RYR2: variants seen among roughly 807,000 people sequenced by gnomAD.
The protein encoded by RYR2 is cardiac muscle ryanodine receptor-calcium release channel.
In RYR2, 227 loss-of-function variants were observed where a neutral mutation model predicts 601.1. The observed-to-expected ratio is 0.38, with a 90% CI of 0.34 to 0.42. The LOEUF is 0.42. Among genes scored for constraint, RYR2 ranks in the 10% least tolerant of loss-of-function variants. The probability of loss-of-function intolerance (pLI) is 1.00; values close to 1 mark genes in which losing one functional copy is unlikely to be tolerated. For synonymous variants in RYR2, 2,223 were observed against 2,175.1 expected (o/e 1.02, Z -0.61); for missense variants, 4,646 against 6,156.5 (o/e 0.75, Z 8.21).
intron 1 of RYR2, among the ~76,000 whole-genome samples, chr1:237,183,201 C>T (rs1395409161): frequency 6.6e-6 from 1 of 152,120 alleles, no homozygotes; most frequent in Non-Finnish European, 1.5e-5. Context: ...ACTTCTTAAC[C>T]GTTTACATGC....
chr1:237,749,956 G>A (rs1328966520), intron 80 of RYR2, among the ~76,000 whole-genome samples: 3 of 151,974 alleles, frequency 2.0e-5, no homozygotes, highest in South Asian at 2.1e-4. Context: ...GACCAGCCCA[G>A]GCAACATGGT....
intron 48 of RYR2, 30 bp downstream of exon 48, chr1:237,643,477 A>G: frequency 1.9e-6 from 3 of 1,613,552 alleles, no homozygotes; most frequent in African/African-American, 1.3e-5. Context: ...GTCCTAATTC[A>G]GTAGGATGTT....
At chr1:237,082,538 TATATATATATATATATATAA>T (rs1294968763) in intron 1 of RYR2, among the ~76,000 whole-genome samples, 3 of 115,214 alleles carry the variant, frequency 2.6e-5, no homozygotes, top group East Asian at 2.7e-4. Flanking sequence ...TATATATATA[TATATATATATATATATATAA>T]AATCGGATAT....
intron 1 of RYR2, among the ~76,000 whole-genome samples, chr1:237,264,934 T>G (rs1025970701): frequency 1.3e-5 from 2 of 151,934 alleles, no homozygotes; most frequent in Non-Finnish European, 2.9e-5. Flanking sequence ...ACTCCTGACC[T>G]CAGGTGATCC....
At chr1:237,289,180 G>A (rs1021841563) in intron 2 of RYR2, among the ~76,000 whole-genome samples, 2 of 152,192 alleles carry the variant, frequency 1.3e-5, no homozygotes, top group African/African-American at 2.4e-5. Flanking sequence ...TGCAGGAGCA[G>A]TCCGCTTCCT....
chr1:237,709,764 A>T (rs969494388), intron 70 of RYR2, among the ~76,000 whole-genome samples, 197 bp downstream of exon 70: 4 of 152,188 alleles, frequency 2.6e-5, no homozygotes, highest in African/African-American at 9.7e-5. Context: ...CCATAAACAT[A>T]TTTTAAATTT....
At chr1:237,088,069 A>G (rs1170687757) in intron 1 of RYR2, among the ~76,000 whole-genome samples, 2 of 152,190 alleles carry the variant, frequency 1.3e-5, no homozygotes, top group East Asian at 1.9e-4. Flanking sequence ...TTGGAAATTA[A>G]TGTAATATTG....
chr1:237,558,209 C>G (rs978758732), intron 27 of RYR2, among the ~76,000 whole-genome samples: 3 of 152,090 alleles, frequency 2.0e-5, no homozygotes, highest in African/African-American at 7.2e-5. Flanking sequence ...ATTGAAGACG[C>G]TGCAAAAACC....
At position 237,169,288 on chromosome 1, in the gene RYR2, CT is replaced by C. The variant is rs527578394; in HGVS notation, c.49-101199del. Among the ~76,000 whole-genome samples, 124 of 108,532 alleles carry C rather than the reference CT, an allele frequency of 1.1e-3. 1 individual carries two copies. Among genetic ancestry groups the C allele is most frequent in the East Asian group, 6.4e-3 (24 of 3,744 alleles). 71.2% of individuals were successfully genotyped at this position (108,532 alleles called of 152,430 possible). ...TGGATGGGTTACTCTGTGTGATTGC[CT>C]TTTTTTTTTCTTCTTCTTCTTTTTT... On this transcript the variant is annotated intron_variant, in intron 1 of 104. Coordinates refer to ENST00000366574, the MANE Select transcript of RYR2 (RefSeq NM_001035.3).
chr1:237,319,420 C>T (rs1161235025), intron 2 of RYR2, among the ~76,000 whole-genome samples: 1 of 152,034 alleles, frequency 6.6e-6, no homozygotes, highest in African/African-American at 2.4e-5. Flanking sequence ...TATAACAACC[C>T]TGAATTCTTT....
chr1:237,724,184 CATAT>C (rs35705894), intron 74 of RYR2, among the ~76,000 whole-genome samples: 22,220 of 136,510 alleles, frequency 0.16, 2,018 homozygotes, highest in East Asian at 0.45. Context: ...TGTGTGTGTG[CATAT>C]ATATATATAT....
At position 237,721,342 on chromosome 1, in the gene RYR2, A is replaced by G. The variant is rs547584269; in HGVS notation, c.10555-1786A>G. ...ATCATTTATCCCTATACAAAGCTCT[A>G]TCTGTCTGTGTTTGCCTGTAGATGA... On this transcript the variant is annotated intron_variant, in intron 73 of 104. Coordinates refer to ENST00000366574, the MANE Select transcript of RYR2 (RefSeq NM_001035.3). Among the ~76,000 whole-genome samples, 17 of 152,300 alleles carry G rather than the reference A, an allele frequency of 1.1e-4. No homozygotes were observed. The South Asian group carries it at 3.1e-3, about 28-fold the overall frequency.
At chr1:237,564,476 G>A (rs886417239) in intron 27 of RYR2, among the ~76,000 whole-genome samples, 1 of 151,990 alleles carries the variant, frequency 6.6e-6, no homozygotes, top group Non-Finnish European at 1.5e-5. Context: ...CACCATGTTG[G>A]CCAGACTGGT....
intron 86 of RYR2, 61 bp downstream of exon 86, chr1:237,772,161 A>G: frequency 1.1e-6 from 1 of 908,116 alleles, no homozygotes; most frequent in African/African-American, 1.7e-5. Flanking sequence ...ACAATACGGC[A>G]GAGTTTTAAT....
chr1:237,263,662 T>C (rs1002450372), intron 1 of RYR2, among the ~76,000 whole-genome samples: 8 of 152,178 alleles, frequency 5.3e-5, no homozygotes, highest in African/African-American at 1.2e-4. Context: ...TTGATTCTTA[T>C]TTGTTGTAAT....
In RYR2 at chr1:237,781,992, C is replaced by T. The variant is rs987100491; in HGVS notation, c.11962+346C>T. Reference sequence around the variant, plus strand: ...GTGGGGGTTTCGGACATTTGGGTAACAGTCAGCTGTGTAAGCTGCTGCTTT... The same window carrying T: ...GTGGGGGTTTCGGACATTTGGGTAATAGTCAGCTGTGTAAGCTGCTGCTTT... On this transcript the variant is annotated intron_variant, in intron 89 of 104. Transcript: ENST00000366574. Among the ~76,000 whole-genome samples the T allele has an allele frequency of 4.6e-5, 7 of 152,182 alleles. 1 individual carries two copies. The highest frequency in any genetic ancestry group is 1.7e-4 in the African/African-American group (7 of 41,512).
chr1:237,640,199 A>C (rs1245078412), intron 46 of RYR2, among the ~76,000 whole-genome samples: 2 of 152,178 alleles, frequency 1.3e-5, no homozygotes, highest in Non-Finnish European at 2.9e-5. Context: ...CTGTCATTCA[A>C]AGCCTCACTG....
intron 1 of RYR2, among the ~76,000 whole-genome samples, chr1:237,159,119 C>G (rs1675720337): frequency 6.6e-6 from 1 of 152,070 alleles, no homozygotes; most frequent in South Asian, 2.1e-4. Context: ...ATGAAGAAAC[C>G]TGTCTCTACT....
chr1:237,832,469 G>C (rs557038485), intron 104 of RYR2, 83 bp from the exon 105 acceptor site: 2 of 818,228 alleles, frequency 2.4e-6, no homozygotes, highest in Non-Finnish European at 4.1e-6. Context: ...GTGCGATATA[G>C]GTAACAGAAT....
Sources: allele counts gnomAD v4.1 joint callset (sites outside exome capture counted in the v4.1 genomes callset), GRCh38; gene constraint gnomAD v4.1.1; transcripts MANE v1.5; gene names NCBI Gene and HGNC (gene_info 2026-07-23, HGNC 2026-07-21).